The following ZER1 variants were observed in gnomAD, a reference collection of about 807,000 sequenced individuals.
ZER1 encodes zyg-11 related cell cycle regulator, also known as protein zer-1 homolog.
In ZER1, 11 loss-of-function variants were observed where a neutral mutation model predicts 78.8. The observed-to-expected ratio is 0.14, with a 90% confidence interval of 0.09 to 0.23. The LOEUF (loss-of-function observed/expected upper bound fraction) is 0.23, where lower values mean the gene tolerates loss of function less well. Among genes scored for constraint, ZER1 ranks in the 10% least tolerant of loss-of-function variants. ZER1 has a pLI of 1.00. For missense variants in ZER1, 588 were observed against 996.9 expected (o/e 0.59, Z 5.52); for synonymous variants, 400 against 407.0 (o/e 0.98, Z 0.21).
At chr9:128,741,772 A>C in intron 10 of ZER1, 28 bp downstream of exon 10, 1 of 1,614,142 alleles carries the variant, frequency 6.2e-7, no homozygotes, top group Non-Finnish European at 8.5e-7. Flanking sequence ...GGGAAAGGGT[A>C]GCGTGGCTTC....
intron 14 of ZER1, among the ~76,000 whole-genome samples, chr9:128,734,142 A>ATATATATATATATATATATATATAT (rs1372132455): frequency 6.1e-4 from 12 of 19,628 alleles, no homozygotes; most frequent in Non-Finnish European, 8.2e-4. Context: ...AAAAAAAAAA[A>ATATATATATATATATATATATATAT]AAATATATAT....
chr9:128,733,571 C>T, intron 14 of ZER1, 43 bp from the exon 15 acceptor site: 2 of 1,569,752 alleles, frequency 1.3e-6, no homozygotes, highest in Non-Finnish European at 1.7e-6. Context: ...GATGGGTCTT[C>T]TTATCAGCCC....
chr9:128,753,608 T>C lies in ZER1; in HGVS notation c.310-8A>G. ...GTACAGCTCCACCAGGTCCTGGGAG[T>C]GGGCACAGCTCCATCATCATCACCA... On this transcript the variant is annotated splice_region_variant and splice_polypyrimidine_tract_variant and intron_variant, in intron 3 of 15. Coordinates refer to ENST00000291900, the MANE Select transcript of ZER1 (RefSeq NM_006336.4). This position sits in a 1 kb window ranked among gnomAD's most constrained non-coding sequence, Gnocchi z 7.5. 1 of 1,611,428 alleles carries C rather than the reference T, an allele frequency of 6.2e-7. No individual in the cohort carries two copies. The highest frequency in any genetic ancestry group is 8.5e-7 in the Non-Finnish European group (1 of 1,178,962).
At chr9:128,734,837 A>G (rs1335655038) in intron 14 of ZER1, among the ~76,000 whole-genome samples, 1 of 149,300 alleles carries the variant, frequency 6.7e-6, no homozygotes, top group Non-Finnish European at 1.5e-5. Context: ...GAACCAGCTG[A>G]TGGTATGTGT....
chr9:128,735,499 G>A, intron 13 of ZER1, 68 bp from the exon 14 acceptor site: 1 of 1,469,482 alleles, frequency 6.8e-7, no homozygotes, highest in Non-Finnish European at 9.3e-7. Flanking sequence ...CTTGTCTGAG[G>A]TTTCCTCCCA....
rs935086809 is a variant in ZER1, at chr9:128,771,644, G to C, written c.-158C>G. ...GATGCTTCGCAGGCGAGGAGGAGCA[G>C]AGAATGCAGCCCGGGAGAATCCGGG... On this transcript the variant is annotated 5_prime_UTR_variant, in exon 1 of 16. Coordinates refer to ENST00000291900, the MANE Select transcript of ZER1 (RefSeq NM_006336.4). 6.6e-6 allele frequency: 1 copy of C among 152,646 alleles called. No individual in the cohort carries two copies. The highest frequency in any genetic ancestry group is 2.4e-5 in the African/African-American group (1 of 41,458). The allele number at this position is 152,646 out of a possible 1,614,324, so 9.5% of individuals were successfully genotyped here.
At position 128,766,175 on chromosome 9, in the gene ZER1, C is replaced by G. The variant is rs61571200; in HGVS notation, c.-95+5406G>C. Among the ~76,000 whole-genome samples the G allele has an allele frequency of 8.4e-3, 1,273 of 151,450 alleles. 15 individuals carry two copies. Among genetic ancestry groups the G allele is most frequent in the African/African-American group, 0.028 (1,159 of 41,280 alleles). ...ACCATCCTGGCCAACATGGTGAAAC[C>G]CTGTCTCTACTAAAAATACAAAAAT... is the stretch of plus-strand genomic sequence containing the variant. On this transcript the variant is annotated intron_variant, in intron 1 of 15. Transcript: ENST00000291900.
At chr9:128,752,410 C>T (rs777979990) in intron 5 of ZER1, among the ~76,000 whole-genome samples, 5 of 152,084 alleles carry the variant, frequency 3.3e-5, no homozygotes, top group South Asian at 4.2e-4. Context: ...CTGCAGGCTC[C>T]GCCTCCCGGC....
Position 128,740,212 on chromosome 9 carries a change from A to G in ZER1, c.1854-93T>C. On this transcript the variant is annotated intron_variant, in intron 12 of 15. Coordinates refer to ENST00000291900, the MANE Select transcript of ZER1 (RefSeq NM_006336.4). The surrounding 1 kb of genome is among the most constrained non-coding windows in gnomAD (Gnocchi z 4.4). ...ACCCCAACTTAAAACCAGAAGCAAGAGGTGCTACTTATTTCTTTATCCCAT... is the reference window on the plus strand; with the variant it reads ...ACCCCAACTTAAAACCAGAAGCAAGGGGTGCTACTTATTTCTTTATCCCAT... 1 of 1,254,870 alleles carries G rather than the reference A, an allele frequency of 8.0e-7. No homozygotes were observed. Among genetic ancestry groups the G allele is most frequent in the Non-Finnish European group, 1.1e-6 (1 of 906,954 alleles). 77.7% of individuals were successfully genotyped at this position (1,254,870 alleles called of 1,614,324 possible). A position where few individuals can be genotyped will look rare whatever the true frequency, so the allele number is the denominator to read the frequency against.
intron 13 of ZER1, 108 bp downstream of exon 13, chr9:128,739,823 G>C: frequency 2.2e-6 from 3 of 1,353,076 alleles, no homozygotes; most frequent in Non-Finnish European, 3.0e-6. Flanking sequence ...CCCTACAGAA[G>C]ACCAGAAGGA....
intron 13 of ZER1, among the ~76,000 whole-genome samples, chr9:128,735,971 CAG>C (rs747352300): frequency 1.7e-4 from 26 of 151,354 alleles, no homozygotes; most frequent in Non-Finnish European, 2.8e-4. Context: ...TCTTTTGAGA[CAG>C]AGTCTTGCTC....
intron 13 of ZER1, among the ~76,000 whole-genome samples, 196 bp from the exon 14 acceptor site, chr9:128,735,627 C>T (rs2132391001): frequency 6.6e-6 from 1 of 152,152 alleles, no homozygotes; most frequent in East Asian, 1.9e-4. Flanking sequence ...AGGATAAAGG[C>T]ACAAGCACAT....
rs140497395 is a variant in ZER1, at chr9:128,751,476, C to T, written c.975G>A (p.Pro325=). The stretch of plus-strand genomic sequence containing the variant: ...TCTCAAAGAGCCCGAGGAACTGCAG[C>T]GGCCTCTTCAGAGCCCGGAAAGGTA... ...SIIPFRALKR[P]LQFLGLFENS... Residue 325 remains proline (P), a synonymous_variant, in exon 6 of 16, where the codon CCG becomes CCA. Coordinates refer to ENST00000291900, the MANE Select transcript of ZER1 (RefSeq NM_006336.4). This position sits in a 1 kb window ranked among gnomAD's most constrained non-coding sequence, Gnocchi z 5.4. 5.6e-6 allele frequency: 9 copies of T among 1,613,944 alleles called. No homozygotes were observed. The highest frequency in any genetic ancestry group is 3.3e-5 in the Admixed American group (2 of 59,994).
intron 9 of ZER1, 52 bp downstream of exon 9, chr9:128,742,478 G>A: frequency 3.1e-6 from 5 of 1,599,308 alleles, no homozygotes; most frequent in Non-Finnish European, 4.3e-6. Context: ...GTAGAGGGGT[G>A]GGGGAGAGCA....
At chr9:128,749,048 C>T (rs1863591130) in intron 8 of ZER1, among the ~76,000 whole-genome samples, 1 of 148,632 alleles carries the variant, frequency 6.7e-6, no homozygotes, top group African/African-American at 2.5e-5. Context: ...TATATTGTGG[C>T]TGAGCACGGT....
rs1243715371 is a variant in ZER1 at position 128,753,184 on chromosome 9, G to A, written c.726C>T (p.Ile242=). 10 of 1,553,126 alleles carry A rather than the reference G, an allele frequency of 6.4e-6. No individual in the cohort carries two copies. The highest frequency in any genetic ancestry group is 3.9e-5 in the Admixed American group (2 of 51,894). The change falls in exon 4 of 16, where the codon ATC becomes ATT. Residue 242 remains isoleucine, a synonymous_variant. Coordinates refer to ENST00000291900, the MANE Select transcript of ZER1 (RefSeq NM_006336.4). This position sits in a 1 kb window ranked among gnomAD's most constrained non-coding sequence, Gnocchi z 7.5. ...CTCACCGCAGCTTGTGCAGCTGCAC[G>A]ATGACCCGGATGTGGTCGTCGGACA... ...MDLSDDHIRV[I]VQLHKLRHLD... is the part of the protein sequence containing the mutation.
chr9:128,751,335 A>AGTCTCCAGCCCCAGAATCCAGCTCC lies in ZER1; in HGVS notation c.1038+53_1039-68dup. 1 of 1,608,678 alleles carries AGTCTCCAGCCCCAGAATCCAGCTCC rather than the reference A, an allele frequency of 6.2e-7. No individual in the cohort carries two copies. Among genetic ancestry groups the AGTCTCCAGCCCCAGAATCCAGCTCC allele is most frequent in the African/African-American group, 1.3e-5 (1 of 74,928 alleles). ...GGGCTGGGATGCCAGATCCCAGCTC[A>AGTCTCCAGCCCCAGAATCCAGCTCC]GTCTCCAGCCCCAGAATCCAGCTCC... On this transcript the variant is annotated intron_variant, in intron 6 of 15. Transcript: ENST00000291900. This position sits in a 1 kb window ranked among gnomAD's most constrained non-coding sequence, Gnocchi z 5.4.
intron 10 of ZER1, 68 bp from the exon 11 acceptor site, chr9:128,741,722 C>A: frequency 6.2e-7 from 1 of 1,613,972 alleles, no homozygotes; most frequent in Non-Finnish European, 8.5e-7. Context: ...TGACAAAACA[C>A]AGACCTCCCC....
In ZER1 at chr9:128,733,430, C is replaced by T; in HGVS notation, c.2239G>A (p.Ala747Thr). The part of the protein sequence containing the change: ...ATARQETKEM[A>T]RKVIEHCSNF... ...AACACACTGCTGGTCTCTTACCGGGCCATTTCCTTGGTCTCCTGCCGTGCG... is the reference window on the plus strand; with the variant it reads ...AACACACTGCTGGTCTCTTACCGGGTCATTTCCTTGGTCTCCTGCCGTGCG... The change falls in exon 15 of 16, where the codon GCC becomes ACC. Residue 747 changes from alanine to threonine, a missense_variant. Transcript: ENST00000291900. The T allele has an allele frequency of 6.2e-7, 1 of 1,613,810 alleles. No homozygotes were observed. The highest frequency in any genetic ancestry group is 8.5e-7 in the Non-Finnish European group (1 of 1,179,884).
Sources: gnomAD v4.1 joint callset for allele counts (sites outside exome capture counted in the v4.1 genomes callset) on GRCh38, gnomAD v4.1.1 for gene constraint, Gnocchi (gnomAD v3.1) non-coding constraint, MANE v1.5 for transcripts, NCBI Gene and HGNC (gene_info 2026-07-23, HGNC 2026-07-21) for gene names.